Variants in GALNT9 observed in about 807,000 individuals in gnomAD.
GALNT9 encodes polypeptide N-acetylgalactosaminyltransferase 9.
Under a neutral mutation model 63.1 loss-of-function variants are expected in GALNT9, and 47 were observed. The ratio of observed to expected loss-of-function variants is 0.75; its 90% confidence interval spans 0.59 to 0.95. The LOEUF (loss-of-function observed/expected upper bound fraction) is 0.95. GALNT9 is among the 40% of genes least tolerant of loss of function. The pLI is 0.00. For missense variants in GALNT9, 829 were observed against 874.8 expected (o/e 0.95, Z 0.66); for synonymous variants, 396 against 365.7 (o/e 1.08, Z -0.94).
intron 1 of GALNT9, among the ~76,000 whole-genome samples, chr12:132,323,571 G>T (rs934215644): frequency 6.6e-6 from 1 of 152,210 alleles, no homozygotes; most frequent in Non-Finnish European, 1.5e-5. Context: ...CTGTGTGTGA[G>T]TGCAGGCAAG....
At chr12:132,217,399 T>G (rs1164566945) in intron 6 of GALNT9, among the ~76,000 whole-genome samples, 1 of 145,360 alleles carries the variant, frequency 6.9e-6, no homozygotes, top group African/African-American at 2.6e-5. Flanking sequence ...CCACTATCTA[T>G]CCATTCATCT....
intron 1 of GALNT9, among the ~76,000 whole-genome samples, chr12:132,302,560 C>T (rs1394121644): frequency 1.3e-5 from 2 of 152,236 alleles, no homozygotes; most frequent in African/African-American, 2.4e-5. Flanking sequence ...CCAAGAGCTG[C>T]CTGGGTGGGG....
At chr12:132,240,679 C>T (rs1878238757) in intron 6 of GALNT9, 1 of 456,004 alleles carries the variant, frequency 2.2e-6, no homozygotes, top group South Asian at 1.5e-5. Context: ...TTTTCTTCCT[C>T]TTTTATTCTG....
At chr12:132,222,724 G>A (rs984516031) in intron 6 of GALNT9, among the ~76,000 whole-genome samples, 30 of 151,862 alleles carry the variant, frequency 2.0e-4, no homozygotes, top group African/African-American at 5.3e-4. Flanking sequence ...ACATTCCATC[G>A]GCTCCTGAGT....
intron 1 of GALNT9, among the ~76,000 whole-genome samples, chr12:132,325,054 A>G (rs28373831): frequency 0.21 from 31,728 of 151,874 alleles, 3,428 homozygotes; most frequent in East Asian, 0.26. Flanking sequence ...ATGAGATGCC[A>G]CCCCACTTCA....
At chr12:132,217,184 G>A (rs768305153) in intron 6 of GALNT9, among the ~76,000 whole-genome samples, 5 of 151,416 alleles carry the variant, frequency 3.3e-5, no homozygotes, top group East Asian at 1.9e-4. Flanking sequence ...CCATCCACGC[G>A]GACTCATCCA....
intron 1 of GALNT9, among the ~76,000 whole-genome samples, chr12:132,288,311 A>G (rs1181137895): frequency 6.6e-6 from 1 of 152,234 alleles, no homozygotes. Flanking sequence ...TGAGTAAACA[A>G]AGTGTCCGTA....
At chr12:132,292,154 A>G (rs2135567622) in intron 1 of GALNT9, among the ~76,000 whole-genome samples, 1 of 152,152 alleles carries the variant, frequency 6.6e-6, no homozygotes, top group East Asian at 1.9e-4. Context: ...TTTTCCTCCC[A>G]GAACTCAGAA....
chr12:132,287,946 C>A (rs1345543302), intron 1 of GALNT9, among the ~76,000 whole-genome samples: 1 of 152,144 alleles, frequency 6.6e-6, no homozygotes, highest in Non-Finnish European at 1.5e-5. Context: ...TAGTTTTAAG[C>A]CAGAAAGAGG....
chr12:132,261,234 A>G, intron 3 of GALNT9, 112 bp from the exon 4 acceptor site: 1 of 1,486,806 alleles, frequency 6.7e-7, no homozygotes, highest in South Asian at 1.3e-5. Context: ...TATTGTAAAC[A>G]TTCTCTTAGG....
intron 6 of GALNT9, among the ~76,000 whole-genome samples, chr12:132,231,035 G>C (rs1335996410): frequency 2.4e-5 from 3 of 123,778 alleles, no homozygotes; most frequent in African/African-American, 9.0e-5. Flanking sequence ...CACTCGATGG[G>C]GCGACAGAGG....
intron 6 of GALNT9, among the ~76,000 whole-genome samples, chr12:132,214,565 A>G (rs772332501): frequency 5.3e-5 from 8 of 152,214 alleles, no homozygotes; most frequent in Non-Finnish European, 1.2e-4. Context: ...ACCACTCAGG[A>G]GGATGGCCCA....
At chr12:132,243,414 G>A (rs1555237657) in intron 6 of GALNT9, among the ~76,000 whole-genome samples, 1 of 151,572 alleles carries the variant, frequency 6.6e-6, no homozygotes. Flanking sequence ...GGGGGCCCCA[G>A]TCCTCCTCGT....
intron 6 of GALNT9, among the ~76,000 whole-genome samples, chr12:132,243,238 C>G (rs1878517757): frequency 3.5e-5 from 5 of 143,332 alleles, no homozygotes; most frequent in Admixed American, 1.4e-4. Flanking sequence ...ACACGCCACA[C>G]CCCCTTCCCG....
rs1020372933 is a variant in GALNT9, at chr12:132,316,254, A to C, written c.238+12712T>G. ...TGCCTGCCCCGGGCCCCGACCTGCA[A>C]AGGGGGGTGCCATGATTCTCTACCA... On this transcript the variant is annotated intron_variant, in intron 1 of 10. Transcript: ENST00000328957. This position sits in a 1 kb window ranked among gnomAD's most constrained non-coding sequence, Gnocchi z 4.3. Among the ~76,000 whole-genome samples the C allele has an allele frequency of 1.3e-5, 2 of 152,096 alleles. No individual in the cohort carries two copies. The highest frequency in any genetic ancestry group is 4.8e-5 in the African/African-American group (2 of 41,490).
chr12:132,237,765 C>G (rs539412048), intron 6 of GALNT9, among the ~76,000 whole-genome samples: 1 of 152,220 alleles, frequency 6.6e-6, no homozygotes, highest in African/African-American at 2.4e-5. Flanking sequence ...TGGGGCCTGA[C>G]GCAGCCTCAC....
rs1555246579 is a variant in GALNT9 at position 132,327,391 on chromosome 12, C to T, written c.238+1575G>A. Among the ~76,000 whole-genome samples, 3 of 152,034 alleles carry T rather than the reference C, an allele frequency of 2.0e-5. No homozygotes were observed. Among genetic ancestry groups the T allele is most frequent in the African/African-American group, 7.2e-5 (3 of 41,410 alleles). ...TGGCTTTTTCCACCACCAAGAATCC[C>T]AGCCGATTCTCACCTTGAAGGGTGA... On this transcript the variant is annotated intron_variant, in intron 1 of 10. Transcript: ENST00000328957. This position sits in a 1 kb window ranked among gnomAD's most constrained non-coding sequence, Gnocchi z 4.3.
chr12:132,213,075 GA>G (rs1877022193), intron 6 of GALNT9, among the ~76,000 whole-genome samples: 1 of 105,048 alleles, frequency 9.5e-6, no homozygotes, highest in East Asian at 3.5e-4. Context: ...GCAGCCCTCA[GA>G]CCTCGACACG....
intron 2 of GALNT9, among the ~76,000 whole-genome samples, chr12:132,267,805 T>TCACACACACGCA (rs797031416): frequency 6.3e-5 from 5 of 79,108 alleles, no homozygotes; most frequent in South Asian, 7.5e-4. Context: ...TCACACGCAC[T>TCACACACACGCA]CACACACGCA....
Sources: allele counts gnomAD v4.1 joint callset (sites outside exome capture counted in the v4.1 genomes callset), GRCh38; gene constraint gnomAD v4.1.1; non-coding constraint Gnocchi (gnomAD v3.1); transcripts MANE v1.5; gene names NCBI Gene and HGNC (gene_info 2026-07-23, HGNC 2026-07-21).